KLF7: variants seen among roughly 807,000 people sequenced by gnomAD.
KLF7 encodes Krueppel-like factor 7.
In KLF7, 2 loss-of-function variants were observed where a neutral mutation model predicts 27.3. The observed-to-expected ratio is 0.07, with a 90% CI of 0.03 to 0.23. The LOEUF (loss-of-function observed/expected upper bound fraction) is 0.23, where lower values mean the gene tolerates loss of function less well. Ranked by LOEUF, KLF7 falls within the 10% of genes least tolerant of loss-of-function variation. The probability of loss-of-function intolerance (pLI) is 1.00; values close to 1 mark genes in which losing one functional copy is unlikely to be tolerated. For synonymous variants in KLF7, 165 were observed against 162.4 expected, an observed-to-expected ratio of 1.02 and a Z score of -0.12; for missense variants, 221 against 394.1, an observed-to-expected ratio of 0.56 and a Z score of 3.72.
intron 2 of KLF7, chr2:207,121,823 G>A (rs1003142002): frequency 2.0e-5 from 3 of 152,186 alleles, no homozygotes; most frequent in East Asian, 1.9e-4. Context: ...ATTGGAAAGA[G>A]GGGATAAGAA....
intron 2 of KLF7, among the ~76,000 whole-genome samples, chr2:207,111,570 G>C (rs1421273336): frequency 6.6e-6 from 1 of 152,186 alleles, no homozygotes; most frequent in African/African-American, 2.4e-5. Flanking sequence ...GTCAAAGCTA[G>C]CAGTTTTGTG....
At chr2:207,157,028 C>T (rs895698200) in intron 1 of KLF7, among the ~76,000 whole-genome samples, 3 of 151,976 alleles carry the variant, frequency 2.0e-5, no homozygotes, top group South Asian at 2.1e-4. Flanking sequence ...CGATTGAGAA[C>T]CACTGAAAAA....
At chr2:207,148,966 T>C (rs2078170286) in intron 1 of KLF7, 3 of 1,080,936 alleles carry the variant, frequency 2.8e-6, no homozygotes, top group South Asian at 4.2e-5. Context: ...TAATATATGA[T>C]ATACCCAGTC....
intron 2 of KLF7, among the ~76,000 whole-genome samples, chr2:207,122,881 C>G (rs890486476): frequency 3.3e-5 from 5 of 152,140 alleles, no homozygotes; most frequent in Admixed American, 6.5e-5. Context: ...TTAAAAACCA[C>G]CAATCACAGT....
chr2:207,105,563 G>A (rs1269417747), intron 2 of KLF7, among the ~76,000 whole-genome samples: 1 of 152,182 alleles, frequency 6.6e-6, no homozygotes, highest in African/African-American at 2.4e-5. Context: ...GGACACAGAA[G>A]CAAAAGACCC....
At chr2:207,130,372 G>C (rs567685551) in intron 1 of KLF7, among the ~76,000 whole-genome samples, 2 of 152,294 alleles carry the variant, frequency 1.3e-5, no homozygotes, top group South Asian at 4.1e-4. Context: ...TTTCCAAAAT[G>C]AATCTTAGAG....
chr2:207,127,194 T>C (rs939295288), intron 1 of KLF7, among the ~76,000 whole-genome samples: 3 of 152,170 alleles, frequency 2.0e-5, no homozygotes, highest in Non-Finnish European at 4.4e-5. Context: ...ATCTGGACCA[T>C]TTCAGAGTGG....
chr2:207,139,245 C>CT (rs2077872378), intron 1 of KLF7, among the ~76,000 whole-genome samples: 1 of 152,124 alleles, frequency 6.6e-6, no homozygotes, highest in Non-Finnish European at 1.5e-5. Context: ...ACATACATTT[C>CT]TTTTTTCTTT....
chr2:207,117,108 A>G (rs960194266), intron 2 of KLF7, among the ~76,000 whole-genome samples: 4 of 152,192 alleles, frequency 2.6e-5, no homozygotes, highest in Non-Finnish European at 5.9e-5. Flanking sequence ...GTGACTATCA[A>G]TTATCCATTA....
Position 207,124,135 on chromosome 2 carries a change from G to A in KLF7, c.372C>T (p.Ala124=), listed in dbSNP as rs149924747. ...PASSSLDSYT[A]VNQAQLNAVT... ...CTGCGTTGAGCTGGGCCTGGTTGAC[G>A]GCTGTGTAGCTGTCTAGAGAAGAGC... Residue 124 remains alanine (A), a synonymous_variant, in exon 2 of 4, where the codon GCC becomes GCT. Coordinates refer to ENST00000309446, the MANE Select transcript of KLF7 (RefSeq NM_003709.4). 1.5e-4 allele frequency: 235 copies of A among 1,614,162 alleles called. No individual in the cohort carries two copies. Among genetic ancestry groups the A allele is most frequent in the Admixed American group, 1.8e-4 (11 of 60,018 alleles).
At chr2:207,161,107 C>A (rs918364265) in intron 1 of KLF7, among the ~76,000 whole-genome samples, 1 of 152,166 alleles carries the variant, frequency 6.6e-6, no homozygotes, top group African/African-American at 2.4e-5. Context: ...ATGTTTGAAG[C>A]CCCTAAATCT....
intron 1 of KLF7, among the ~76,000 whole-genome samples, chr2:207,141,310 G>A (rs2077936747): frequency 6.6e-6 from 1 of 152,140 alleles, no homozygotes; most frequent in Non-Finnish European, 1.5e-5. Context: ...AAGGTCCCAT[G>A]ATACAAGACC....
chr2:207,140,697 A>C (rs2077916967), intron 1 of KLF7, among the ~76,000 whole-genome samples: 1 of 152,184 alleles, frequency 6.6e-6, no homozygotes, highest in Non-Finnish European at 1.5e-5. Flanking sequence ...TGCTCCCTAC[A>C]TGGAGCCTAA....
At chr2:207,104,382 C>T (rs78011187) in intron 2 of KLF7, among the ~76,000 whole-genome samples, 2,739 of 152,224 alleles carry the variant, frequency 0.018, 80 homozygotes, top group African/African-American at 0.061. Context: ...ACAAACTAGA[C>T]AATACATGCA....
At chr2:207,134,303 C>T (rs1257211239) in intron 1 of KLF7, among the ~76,000 whole-genome samples, 2 of 151,910 alleles carry the variant, frequency 1.3e-5, no homozygotes, top group Non-Finnish European at 2.9e-5. Context: ...TCTTGTACTC[C>T]AAAGCACAGC....
chr2:207,168,382 G>A (rs2078759798), upstream of KLF7, among the ~76,000 whole-genome samples: 1 of 152,114 alleles, frequency 6.6e-6, no homozygotes, highest in South Asian at 2.1e-4. Flanking sequence ...CAGCCCCAAA[G>A]TATCCCCAAC....
At chr2:207,139,846 A>G (rs946577367) in intron 1 of KLF7, among the ~76,000 whole-genome samples, 1 of 152,216 alleles carries the variant, frequency 6.6e-6, no homozygotes, top group Non-Finnish European at 1.5e-5. Flanking sequence ...AGTCATTGAG[A>G]GGAAAACAGA....
chr2:207,167,145 G>C, upstream of KLF7: 2 of 1,440,614 alleles, frequency 1.4e-6, no homozygotes, highest in Non-Finnish European at 9.1e-7. Flanking sequence ...CTCACCATGG[G>C]GTCTCCAGCG....
intron 1 of KLF7, chr2:207,148,934 T>C: frequency 1.2e-6 from 1 of 836,734 alleles, no homozygotes; most frequent in Non-Finnish European, 1.5e-6. Flanking sequence ...TGATTCCCCA[T>C]TCTCTAAATT....
Sources: allele counts gnomAD v4.1 joint callset (sites outside exome capture counted in the v4.1 genomes callset), GRCh38; gene constraint gnomAD v4.1.1; transcripts MANE v1.5; gene names NCBI Gene and HGNC (gene_info 2026-07-23, HGNC 2026-07-21).